The following GALT variants were observed in gnomAD, a reference collection of about 807,000 sequenced individuals.
GALT encodes galactose-1-phosphate uridylyltransferase.
Under a neutral mutation model 55.4 loss-of-function variants are expected in GALT, and 42 were observed. That is an observed-to-expected ratio of 0.76 (90% CI 0.59 to 0.98). The LOEUF is 0.98. Ranked by LOEUF, GALT falls within the 50% of genes least tolerant of loss-of-function variation. GALT has a pLI of 0.00. For missense variants in GALT, 407 were observed against 495.7 expected, an observed-to-expected ratio of 0.82 and a Z score of 1.70; for synonymous variants, 154 against 181.5, an observed-to-expected ratio of 0.85 and a Z score of 1.22.
In GALT at chr9:34,648,223, C is replaced by T. The variant is rs757569550; in HGVS notation, c.564+52C>T. The T allele has an allele frequency of 6.8e-6, 11 of 1,613,854 alleles. No homozygotes were observed. The Middle Eastern group carries it at 6.8e-4, about 99-fold the overall frequency. ...TTTCTTGGCTGAGTCTGAGCCAGCA[C>T]TGTGGACATGGGAACAGGATTAATG... is the stretch of plus-strand genomic sequence containing the variant. On this transcript the variant is annotated intron_variant, in intron 6 of 10. Transcript: ENST00000378842. This position sits in a 1 kb window ranked among gnomAD's most constrained non-coding sequence, Gnocchi z 4.9.
intron 10 of GALT, 92 bp from the exon 11 acceptor site, chr9:34,650,277 C>T (rs1409569372): frequency 2.3e-5 from 8 of 345,620 alleles, no homozygotes; most frequent in Middle Eastern, 5.9e-4. Context: ...AGCAAGACCT[C>T]GTCTCAAAAA....
In GALT at chr9:34,648,833, A is replaced by G. The variant is rs1554709425; in HGVS notation, c.759A>G (p.Thr253=). The change falls in exon 8 of 11, where the codon ACA becomes ACG. Residue 253 remains threonine (T), a synonymous_variant. Coordinates refer to ENST00000378842, the MANE Select transcript of GALT (RefSeq NM_000155.4). This position sits in a 1 kb window ranked among gnomAD's most constrained non-coding sequence, Gnocchi z 4.9. ...VPFWATWPYQ[T]LLLPRRHVRR... The stretch of plus-strand genomic sequence containing the variant: ...TCTGGGCAACATGGCCCTACCAGAC[A>G]CTGCTGCTGCCCCGTCGGCATGTGC... The G allele has an allele frequency of 9.3e-6, 15 of 1,613,514 alleles. No homozygotes were observed. The highest frequency in any genetic ancestry group is 1.3e-5 in the Non-Finnish European group (15 of 1,180,008).
Position 34,647,257 on chromosome 9 carries a change from A to G in GALT, c.251A>G (p.Glu84Gly). 1 of 1,614,020 alleles carries G rather than the reference A, an allele frequency of 6.2e-7. No homozygotes were observed. Among genetic ancestry groups the G allele is most frequent in the Non-Finnish European group, 8.5e-7 (1 of 1,179,944 alleles). The change falls in exon 2 of 11, where the codon GAG becomes GGG. Residue 84 changes from glutamate (E) to glycine (G), a missense_variant and splice_region_variant. Glu to Gly is a moderately conservative substitution (Grantham distance 98). Coordinates refer to ENST00000378842, the MANE Select transcript of GALT (RefSeq NM_000155.4). The surrounding 1 kb of genome is among the most constrained non-coding windows in gnomAD (Gnocchi z 5.6). ...LCPGAIRANG[E>G]VNPQYDSTFL... The stretch of plus-strand genomic sequence containing the variant: ...CCTGGGGCCATCCGAGCCAACGGAG[A>G]GGTAAGCCTGTAGAGCCCTGCATCT...
At position 34,647,610 on chromosome 9, in the gene GALT, C is replaced by T. The variant is rs767517167; in HGVS notation, c.328+43C>T. 2 of 1,614,018 alleles carry T rather than the reference C, an allele frequency of 1.2e-6. No homozygotes were observed. The highest frequency in any genetic ancestry group is 1.1e-5 in the South Asian group (1 of 91,070). On this transcript the variant is annotated intron_variant, in intron 3 of 10. Transcript: ENST00000378842. This position sits in a 1 kb window ranked among gnomAD's most constrained non-coding sequence, Gnocchi z 5.6. ...GCTGCTGGGGAGGAGGGTGGCTAGA[C>T]CTCTTGAGGGACTTCTGCTGCAGAG...
Position 34,648,983 on chromosome 9 carries a change from A to G in GALT, c.821-15A>G. Reference sequence around the variant, plus strand: ...GCATCTGGACCCCAGGCTGAGAGTCAGGCTCTGATTCCAGATCTAGCCTCC... The same window carrying G: ...GCATCTGGACCCCAGGCTGAGAGTCGGGCTCTGATTCCAGATCTAGCCTCC... On this transcript the variant is annotated splice_polypyrimidine_tract_variant and intron_variant, in intron 8 of 10. Coordinates refer to ENST00000378842, the MANE Select transcript of GALT (RefSeq NM_000155.4). The surrounding 1 kb of genome is among the most constrained non-coding windows in gnomAD (Gnocchi z 4.9). 6.2e-7 allele frequency: 1 copy of G among 1,614,028 alleles called. No individual in the cohort carries two copies.
intron 10 of GALT, 116 bp downstream of exon 10, chr9:34,649,680 G>A: frequency 2.3e-6 from 3 of 1,300,426 alleles, no homozygotes; most frequent in Non-Finnish European, 3.3e-6. Flanking sequence ...AACAGCTCTG[G>A]CAGGAAGGGA....
Position 34,648,560 on chromosome 9 carries a change from A to C in GALT, c.687+104A>C. The C allele has an allele frequency of 6.3e-7, 1 of 1,575,194 alleles. No individual in the cohort carries two copies. Among genetic ancestry groups the C allele is most frequent in the Non-Finnish European group, 8.7e-7 (1 of 1,146,980 alleles). On this transcript the variant is annotated intron_variant, in intron 7 of 10. Coordinates refer to ENST00000378842, the MANE Select transcript of GALT (RefSeq NM_000155.4). The surrounding 1 kb of genome is among the most constrained non-coding windows in gnomAD (Gnocchi z 4.9). Reference sequence around the variant, plus strand: ...GCTAGAGGTGAACTAGTAGAGAGAGACTTGCTAGGAGGCCTTAGCAATAAT... The same window carrying C: ...GCTAGAGGTGAACTAGTAGAGAGAGCCTTGCTAGGAGGCCTTAGCAATAAT...
chr9:34,650,300 G>GAAAAAAAA (rs1406959631), intron 10 of GALT, 69 bp from the exon 11 acceptor site: 2 of 442,832 alleles, frequency 4.5e-6, no homozygotes, highest in African/African-American at 3.9e-5. Flanking sequence ...AAAAAAAAAT[G>GAAAAAAAA]AAGTCCATGC....
At chr9:34,649,375 C>G in intron 9 of GALT, 35 bp from the exon 10 acceptor site, 2 of 1,613,688 alleles carry the variant, frequency 1.2e-6, no homozygotes, top group Non-Finnish European at 1.7e-6. Context: ...TGTAAAAGGG[C>G]TCTCTCTCCC....
In GALT at chr9:34,647,400, C is replaced by T; in HGVS notation, c.253-92C>T. On this transcript the variant is annotated intron_variant, in intron 2 of 10. Transcript: ENST00000378842. The surrounding 1 kb of genome is among the most constrained non-coding windows in gnomAD (Gnocchi z 5.6). ...TTTTGGTCCCCTAGGGTGGGCCTTC[C>T]CTACTCCCTTGTAGCCTGTCCAGTC... 2 of 1,572,562 alleles carry T rather than the reference C, an allele frequency of 1.3e-6. No individual in the cohort carries two copies. Among genetic ancestry groups the T allele is most frequent in the African/African-American group, 1.3e-5 (1 of 74,176 alleles).
intron 9 of GALT, 66 bp from the exon 10 acceptor site, chr9:34,649,344 G>A: frequency 6.2e-7 from 1 of 1,602,628 alleles, no homozygotes. Context: ...GGGTTTGGGA[G>A]TAGGTGCTAA....
At chr9:34,649,710 T>G in intron 10 of GALT, 146 bp downstream of exon 10, 1 of 904,566 alleles carries the variant, frequency 1.1e-6, no homozygotes, top group Admixed American at 2.1e-5. Context: ...TTAGGAGCCC[T>G]AGGGCCTGGA....
rs141498518 is a variant in GALT, at chr9:34,647,913, A to G, written c.459A>G (p.Ala153=). 64 of 1,614,044 alleles carry G rather than the reference A, an allele frequency of 4.0e-5. No homozygotes were observed. The highest frequency in any genetic ancestry group is 4.7e-5 in the Non-Finnish European group (56 of 1,180,036). ...SVPEIRAVVD[A]WASVTEELGA... ...CTGAGATCCGGGCTGTTGTTGATGC[A>G]TGGGCCTCAGTCACAGAGGAGCTGG... The change falls in exon 5 of 11, where the codon GCA becomes GCG. Residue 153 remains alanine (A), a synonymous_variant. Coordinates refer to ENST00000378842, the MANE Select transcript of GALT (RefSeq NM_000155.4). The surrounding 1 kb of genome is among the most constrained non-coding windows in gnomAD (Gnocchi z 5.6).
chr9:34,647,268 TAG>T lies in GALT; in HGVS notation c.252+13_252+14del. The T allele has an allele frequency of 2.5e-6, 4 of 1,614,008 alleles. No homozygotes were observed. Among genetic ancestry groups the T allele is most frequent in the Non-Finnish European group, 3.4e-6 (4 of 1,179,942 alleles). ...CCGAGCCAACGGAGAGGTAAGCCTG[TAG>T]AGCCCTGCATCTGCAGGCTGGGCCA... On this transcript the variant is annotated intron_variant, in intron 2 of 10. Transcript: ENST00000378842. The surrounding 1 kb of genome is among the most constrained non-coding windows in gnomAD (Gnocchi z 5.6).
chr9:34,647,237 G>A lies in GALT; in HGVS notation c.231G>A (p.Gly77=), dbSNP rs1269693119. 11 of 1,614,002 alleles carry A rather than the reference G, an allele frequency of 6.8e-6. No individual in the cohort carries two copies. The highest frequency in any genetic ancestry group is 1.7e-5 in the Admixed American group (1 of 60,008). ...ACCCTCTCAACCCTCTGTGTCCTGG[G>A]GCCATCCGAGCCAACGGAGAGGTAA... is the stretch of plus-strand genomic sequence containing the variant. ...RHDPLNPLCP[G]AIRANGEVNP... Residue 77 remains glycine (G), a synonymous_variant, in exon 2 of 11, where the codon GGG becomes GGA. Transcript: ENST00000378842. The surrounding 1 kb of genome is among the most constrained non-coding windows in gnomAD (Gnocchi z 5.6).
At position 34,648,867 on chromosome 9, in the gene GALT, C is replaced by G. The variant is rs111033764; in HGVS notation, c.793C>G (p.Pro265Ala). The G allele has an allele frequency of 2.0e-5, 33 of 1,613,266 alleles. No homozygotes were observed. Among genetic ancestry groups the G allele is most frequent in the Non-Finnish European group, 2.8e-5 (33 of 1,180,028 alleles). The change falls in exon 8 of 11, where the codon CCT (proline) becomes GCT (alanine). Residue 265 changes from proline to alanine, a missense_variant. Transcript: ENST00000378842. The surrounding 1 kb of genome is among the most constrained non-coding windows in gnomAD (Gnocchi z 4.9). ...GCCCCGTCGGCATGTGCGGCGGCTACCTGAGCTGACCCCTGCTGAGCGTGA... is the reference window on the plus strand; with the variant it reads ...GCCCCGTCGGCATGTGCGGCGGCTAGCTGAGCTGACCCCTGCTGAGCGTGA... ...LLPRRHVRRLPELTPAERDDL... is the reference protein window; with the variant it reads ...LLPRRHVRRLAELTPAERDDL...
rs552820931 is a variant in GALT, at chr9:34,648,283, G to A, written c.565-51G>A. 58 of 1,613,756 alleles carry A rather than the reference G, an allele frequency of 3.6e-5. No individual in the cohort carries two copies. The highest frequency in any genetic ancestry group is 4.8e-5 in the Non-Finnish European group (57 of 1,180,046). On this transcript the variant is annotated intron_variant, in intron 6 of 10. Coordinates refer to ENST00000378842, the MANE Select transcript of GALT (RefSeq NM_000155.4). This position sits in a 1 kb window ranked among gnomAD's most constrained non-coding sequence, Gnocchi z 4.9. ...GAGGAAATATGCCAATGATGTGGAG[G>A]CTTGGAGGTAAAGGACCTGCCTGTT...
rs1554709148 is a variant in GALT at position 34,647,185 on chromosome 9, AG to A, written c.180del (p.Gln60HisfsTer3). 6.2e-7 allele frequency: 1 copy of A among 1,614,160 alleles called. No individual in the cohort carries two copies. The highest frequency in any genetic ancestry group is 8.5e-7 in the Non-Finnish European group (1 of 1,180,018). On this transcript the variant is annotated frameshift_variant, in exon 2 of 11. Transcript: ENST00000378842. LOFTEE classifies it high-confidence loss of function. This position sits in a 1 kb window ranked among gnomAD's most constrained non-coding sequence, Gnocchi z 5.6. ...KRPWQGQVEP[Q>X]LLKTVPRHDP... Reference sequence around the variant, plus strand: ...CCCTGGCAGGGTCAAGTGGAGCCCCAGCTTCTGAAGACAGTGCCCCGCCATG... The same window carrying A: ...CCCTGGCAGGGTCAAGTGGAGCCCCACTTCTGAAGACAGTGCCCCGCCATG...
At position 34,647,124 on chromosome 9, in the gene GALT, G is replaced by A. The variant is rs886042060; in HGVS notation, c.118G>A (p.Glu40Lys). The change falls in exon 2 of 11, where the codon GAG becomes AAG. Residue 40 changes from glutamate to lysine, a missense_variant. Transcript: ENST00000378842. The surrounding 1 kb of genome is among the most constrained non-coding windows in gnomAD (Gnocchi z 5.6). ...QHIRYNPLQD[E>K]WVLVSAHRMK... ...TATCCGCTACAACCCGCTGCAGGAT[G>A]AGTGGGTGCTGGTGTCAGCTCACCG... is the stretch of plus-strand genomic sequence containing the variant. The A allele has an allele frequency of 6.2e-7, 1 of 1,614,190 alleles. No homozygotes were observed. The highest frequency in any genetic ancestry group is 8.5e-7 in the Non-Finnish European group (1 of 1,180,030).
Sources: allele counts gnomAD v4.1 joint callset, GRCh38; gene constraint gnomAD v4.1.1; non-coding constraint Gnocchi (gnomAD v3.1); transcripts MANE v1.5; gene names NCBI Gene and HGNC (gene_info 2026-07-23, HGNC 2026-07-21).